ERICH3: variants seen among roughly 807,000 people sequenced by gnomAD.
The protein encoded by ERICH3 is glutamate rich 3.
In ERICH3, 126 loss-of-function variants were observed where a neutral mutation model predicts 131.1. That is an observed-to-expected ratio of 0.96 (90% CI 0.83 to 1.11). ERICH3 has a LOEUF of 1.11. ERICH3 is among the 50% of genes most tolerant of loss of function. The pLI is 0.00. For synonymous variants in ERICH3, 695 were observed against 644.6 expected (o/e 1.08, Z -1.18); for missense variants, 2,050 against 1,810.7 (o/e 1.13, Z -2.40).
chr1:74,590,006 C>T lies in ERICH3; in HGVS notation c.1801G>A (p.Gly601Arg). ...SSDSEDESAVGDREAHTDSST... is the reference protein window; with the variant it reads ...SSDSEDESAVRDREAHTDSST... ...CTGTCAGTGTGGGCTTCCCTGTCCC[C>T]CACTGCAGATTCATCCTCACTGTCA... Residue 601 changes from glycine (G) to arginine (R), a missense_variant, in exon 12 of 15, where the codon GGG (glycine) becomes AGG (arginine). Physicochemically the swap from Gly to Arg is moderately radical, Grantham distance 125. Coordinates refer to ENST00000326665, the MANE Select transcript of ERICH3 (RefSeq NM_001002912.5). 1 of 1,613,882 alleles carries T rather than the reference C, an allele frequency of 6.2e-7. No homozygotes were observed. Among genetic ancestry groups the T allele is most frequent in the Middle Eastern group, 1.7e-4 (1 of 6,058 alleles).
chr1:74,625,467 C>T (rs1052980766), intron 7 of ERICH3: 1 of 152,132 alleles, frequency 6.6e-6, no homozygotes, highest in Non-Finnish European at 1.5e-5. Flanking sequence ...ATTCAAAGCC[C>T]ATTTCAAATG....
chr1:74,602,972 A>C lies in ERICH3; in HGVS notation c.1490-3041T>G, dbSNP rs1648215195. Among the ~76,000 whole-genome samples the C allele has an allele frequency of 2.0e-5, 3 of 151,942 alleles. No individual in the cohort carries two copies. The South Asian group carries it at 6.2e-4, about 31-fold the overall frequency. On this transcript the variant is annotated intron_variant, in intron 10 of 14. Transcript: ENST00000326665. ...GTGCTCTAAGTGAAATCTTTTGTAA[A>C]AGATTCACTTTAGTCAGTAATAATC...
At chr1:74,574,058 G>A (rs902397359) in intron 13 of ERICH3, among the ~76,000 whole-genome samples, 5 of 149,488 alleles carry the variant, frequency 3.3e-5, no homozygotes, top group Non-Finnish European at 5.9e-5. Context: ...CAGTGTGAAC[G>A]TGGCCCACTT....
At chr1:74,590,184 A>T in intron 11 of ERICH3, 104 bp from the exon 12 acceptor site, 1 of 971,384 alleles carries the variant, frequency 1.0e-6, no homozygotes, top group Non-Finnish European at 1.5e-6. Flanking sequence ...TTTAAAACAT[A>T]GTTTAATATA....
intron 1 of ERICH3, among the ~76,000 whole-genome samples, chr1:74,668,288 T>A (rs1047715725): frequency 1.3e-5 from 2 of 152,214 alleles, no homozygotes; most frequent in Non-Finnish European, 2.9e-5. Flanking sequence ...TATAATTATC[T>A]TTGAATTTTC....
intron 4 of ERICH3, 94 bp from the exon 5 acceptor site, chr1:74,641,553 A>G: frequency 7.3e-7 from 1 of 1,365,288 alleles, no homozygotes. Flanking sequence ...TGACTAAAGA[A>G]ATTCTTTCTC....
In ERICH3 at chr1:74,570,389, C is replaced by T. The variant is rs943268749; in HGVS notation, c.*69G>A. The T allele has an allele frequency of 7.2e-5, 11 of 152,080 alleles. No homozygotes were observed. Among genetic ancestry groups the T allele is most frequent in the East Asian group, 1.9e-4 (1 of 5,170 alleles). The allele number at this position is 152,080 out of a possible 1,614,324, so 9.4% of individuals were successfully genotyped here. A position where few individuals can be genotyped will look rare whatever the true frequency, so the allele number is the denominator to read the frequency against. On this transcript the variant is annotated 3_prime_UTR_variant, in exon 15 of 15. Coordinates refer to ENST00000326665, the MANE Select transcript of ERICH3 (RefSeq NM_001002912.5). ...ATCAAGAATCCTGGTGAGATGCTTG[C>T]GTGAATCTTTCTCCACTCTTTACAT...
intron 1 of ERICH3, among the ~76,000 whole-genome samples, chr1:74,650,420 T>C (rs754593900): frequency 9.2e-5 from 14 of 152,172 alleles, no homozygotes; most frequent in Admixed American, 3.9e-4. Context: ...CATATGTATG[T>C]ATACATGGTG....
At chr1:74,637,597 T>G (rs898096145) in intron 5 of ERICH3, among the ~76,000 whole-genome samples, 2 of 152,134 alleles carry the variant, frequency 1.3e-5, no homozygotes, top group African/African-American at 4.8e-5. Context: ...TTTTGGGGCA[T>G]TGAAAGAATA....
chr1:74,636,506 A>G (rs185127519), intron 5 of ERICH3, 68 bp from the exon 6 acceptor site: 1 of 1,443,130 alleles, frequency 6.9e-7, no homozygotes, highest in Admixed American at 2.0e-5. Context: ...CCAATTAATA[A>G]CCCAATAAAT....
At chr1:74,604,046 G>A (rs1648271046) in intron 10 of ERICH3, among the ~76,000 whole-genome samples, 1 of 151,668 alleles carries the variant, frequency 6.6e-6, no homozygotes, top group Admixed American at 6.6e-5. Context: ...TTAAAATTGG[G>A]CTCAATCCTC....
chr1:74,631,646 C>CTAGAAATCTAA, intron 7 of ERICH3, 67 bp downstream of exon 7: 1 of 1,327,728 alleles, frequency 7.5e-7, no homozygotes, highest in South Asian at 1.3e-5. Flanking sequence ...TACTGCAAAC[C>CTAGAAATCTAA]TAGAAATCTA....
intron 12 of ERICH3, among the ~76,000 whole-genome samples, chr1:74,579,142 T>G (rs1445198295): frequency 2.0e-5 from 3 of 152,168 alleles, no homozygotes; most frequent in Admixed American, 6.6e-5. Context: ...AATATCATTT[T>G]ACTATAATAA....
Position 74,572,231 on chromosome 1 carries a change from G to C in ERICH3, c.3479C>G (p.Thr1160Arg), listed in dbSNP as rs779229927. Reference sequence around the variant, plus strand: ...TTCCAGCGACTTTTCAAATCCAGGCGTTGCTTCAAATATGGGAACCACTGT... The same window carrying C: ...TTCCAGCGACTTTTCAAATCCAGGCCTTGCTTCAAATATGGGAACCACTGT... ...KETVVPIFEA[T>R]PGFEKSLENI... Residue 1160 changes from threonine (T) to arginine (R), a missense_variant, in exon 14 of 15, where the codon ACG (threonine) becomes AGG (arginine). Physicochemically the swap from Thr to Arg is moderately conservative, Grantham distance 71. Coordinates refer to ENST00000326665, the MANE Select transcript of ERICH3 (RefSeq NM_001002912.5). The C allele has an allele frequency of 6.2e-7, 1 of 1,613,932 alleles. No homozygotes were observed. Among genetic ancestry groups the C allele is most frequent in the African/African-American group, 1.3e-5 (1 of 74,898 alleles).
intron 1 of ERICH3, among the ~76,000 whole-genome samples, chr1:74,653,879 A>C (rs953234642): frequency 3.3e-5 from 5 of 152,166 alleles, no homozygotes; most frequent in Admixed American, 3.3e-4. Context: ...GAGAAATGCC[A>C]ACTCTAGCTT....
chr1:74,582,956 G>A (rs1390542332), intron 12 of ERICH3, among the ~76,000 whole-genome samples: 1 of 151,914 alleles, frequency 6.6e-6, no homozygotes, highest in Non-Finnish European at 1.5e-5. Flanking sequence ...TGCTTATTTT[G>A]TTTCTTTCTT....
intron 1 of ERICH3, among the ~76,000 whole-genome samples, chr1:74,672,471 A>T (rs1557709226): frequency 6.6e-6 from 1 of 152,240 alleles, no homozygotes; most frequent in Admixed American, 6.5e-5. Context: ...TTACGCCATT[A>T]CACTCAGAGA....
At chr1:74,580,262 A>G (rs1478189881) in intron 12 of ERICH3, among the ~76,000 whole-genome samples, 1 of 152,072 alleles carries the variant, frequency 6.6e-6, no homozygotes, top group Non-Finnish European at 1.5e-5. Context: ...ATTTTCCCAT[A>G]TCATTAAATT....
intron 7 of ERICH3, 50 bp downstream of exon 7, chr1:74,631,663 C>T: frequency 7.0e-7 from 1 of 1,432,966 alleles, no homozygotes; most frequent in Non-Finnish European, 9.8e-7. Flanking sequence ...TCTAATAGTG[C>T]AATGTAATCT....
Sources: allele counts gnomAD v4.1 joint callset (sites outside exome capture counted in the v4.1 genomes callset), GRCh38; gene constraint gnomAD v4.1.1; transcripts MANE v1.5; gene names NCBI Gene and HGNC (gene_info 2026-07-23, HGNC 2026-07-21).